OLA1: variants seen among roughly 807,000 people sequenced by gnomAD.
OLA1 encodes Obg like ATPase 1.
Under a neutral mutation model 48.4 loss-of-function variants are expected in OLA1, and 14 were observed. That is an observed-to-expected ratio of 0.29 (90% CI 0.19 to 0.45). OLA1 has a LOEUF of 0.45. Among genes scored for constraint, OLA1 ranks in the 20% least tolerant of loss-of-function variants. The pLI is 1.00. For synonymous variants in OLA1, 127 were observed against 150.4 expected, an observed-to-expected ratio of 0.84 and a Z score of 1.14; for missense variants, 325 against 467.1, an observed-to-expected ratio of 0.70 and a Z score of 2.80.
At chr2:174,082,204 G>T in intron 7 of OLA1, 140 bp from the exon 8 acceptor site, 1 of 861,630 alleles carries the variant, frequency 1.2e-6, no homozygotes, top group Non-Finnish European at 1.8e-6. Context: ...GCTTTCCAAG[G>T]TCAAGGCATT....
At chr2:174,164,151 G>C (rs1208068811) in intron 4 of OLA1, among the ~76,000 whole-genome samples, 1 of 151,978 alleles carries the variant, frequency 6.6e-6, no homozygotes, top group African/African-American at 2.4e-5. Flanking sequence ...TAAGTCTCCT[G>C]AGGCCTCCTC....
chr2:174,229,429 A>T lies in OLA1; in HGVS notation c.124T>A (p.Leu42Ile), dbSNP rs933510352. The T allele has an allele frequency of 1.5e-5, 24 of 1,612,032 alleles. No homozygotes were observed. The highest frequency in any genetic ancestry group is 1.7e-5 in the Non-Finnish European group (20 of 1,179,372). ...TCTGCTGAAGCCTGACTATTGGTTA[A>T]CACATTGAAGAAAGTAGATTTCCTA... is the stretch of plus-strand genomic sequence containing the variant. ...NVGKSTFFNV[L>I]TNSQASAENF... The change falls in exon 3 of 11, where the codon TTA becomes ATA. Residue 42 changes from leucine to isoleucine, a missense_variant. Coordinates refer to ENST00000284719, the MANE Select transcript of OLA1 (RefSeq NM_013341.5).
At chr2:174,109,176 T>C (rs1181481394) in intron 7 of OLA1, among the ~76,000 whole-genome samples, 4 of 152,306 alleles carry the variant, frequency 2.6e-5, no homozygotes, top group Admixed American at 2.6e-4. Context: ...AAAGTAGGTA[T>C]TATTAGCTAA....
chr2:174,243,976 C>A (rs187860195), intron 2 of OLA1, among the ~76,000 whole-genome samples: 1 of 152,066 alleles, frequency 6.6e-6, no homozygotes, highest in Non-Finnish European at 1.5e-5. Flanking sequence ...CAAGTCCGGT[C>A]GGATTTCCTT....
At chr2:174,086,713 C>T (rs1328471253) in intron 7 of OLA1, among the ~76,000 whole-genome samples, 2 of 152,186 alleles carry the variant, frequency 1.3e-5, no homozygotes, top group Non-Finnish European at 2.9e-5. Flanking sequence ...AGTGGATACG[C>T]TGGACAAAGG....
intron 9 of OLA1, among the ~76,000 whole-genome samples, chr2:174,080,343 A>G (rs2105338707): frequency 6.6e-6 from 1 of 152,206 alleles, no homozygotes; most frequent in South Asian, 2.1e-4. Flanking sequence ...AGCATAATAA[A>G]AGACTGAATA....
At chr2:174,203,465 C>T (rs202171732) in intron 4 of OLA1, among the ~76,000 whole-genome samples, 2 of 140,562 alleles carry the variant, frequency 1.4e-5, no homozygotes, top group Non-Finnish European at 3.1e-5. Context: ...TAGCTAACAT[C>T]TTTTTTTTTT....
intron 10 of OLA1, among the ~76,000 whole-genome samples, chr2:174,076,999 G>A (rs1684754808): frequency 6.6e-6 from 1 of 151,678 alleles, no homozygotes; most frequent in African/African-American, 2.4e-5. Context: ...TACCACTCAA[G>A]TTTACTATTA....
At chr2:174,182,853 A>G (rs1687579864) in intron 4 of OLA1, among the ~76,000 whole-genome samples, 1 of 152,210 alleles carries the variant, frequency 6.6e-6, no homozygotes, top group African/African-American at 2.4e-5. Context: ...TTTGATGGTG[A>G]CAACAAAACT....
At chr2:174,099,150 T>C (rs1270450546) in intron 7 of OLA1, among the ~76,000 whole-genome samples, 1 of 151,848 alleles carries the variant, frequency 6.6e-6, no homozygotes, top group East Asian at 1.9e-4. Context: ...TTGACTTTGT[T>C]ATTTTATTTA....
Position 174,081,938 on chromosome 2 carries a change from C to A in OLA1, c.855G>T (p.Ala285=). Reference sequence around the variant, plus strand: ...TGCTAATTAACCTTTGTGTCATGTTCGCTTCCAGATACTTCTGTCTCTCCT... The same window carrying A: ...TGCTAATTAACCTTTGTGTCATGTTAGCTTCCAGATACTTCTGTCTCTCCT... ...SAEERQKYLE[A]NMTQSALPKI... is the part of the protein sequence containing the mutation. The change falls in exon 8 of 11, where the codon GCG becomes GCT. Residue 285 remains alanine, a synonymous_variant. Transcript: ENST00000284719. 1 of 1,611,644 alleles carries A rather than the reference C, an allele frequency of 6.2e-7. No individual in the cohort carries two copies. Among genetic ancestry groups the A allele is most frequent in the Non-Finnish European group, 8.5e-7 (1 of 1,179,180 alleles).
In OLA1 at chr2:174,121,447, A is replaced by T. The variant is rs563245999; in HGVS notation, c.728+1733T>A. Among the ~76,000 whole-genome samples the T allele has an allele frequency of 2.6e-5, 4 of 152,270 alleles. No homozygotes were observed. In the East Asian group the frequency reaches 7.7e-4, roughly 29 times the overall value. ...GTGGTAAATTCTCTTCTGGAACATCATTCAGTTACCCAGTCTTTGATCTTT... is the reference window on the plus strand; with the variant it reads ...GTGGTAAATTCTCTTCTGGAACATCTTTCAGTTACCCAGTCTTTGATCTTT... On this transcript the variant is annotated intron_variant, in intron 7 of 10. Coordinates refer to ENST00000284719, the MANE Select transcript of OLA1 (RefSeq NM_013341.5).
At chr2:174,134,944 A>G (rs771621401) in intron 5 of OLA1, among the ~76,000 whole-genome samples, 1 of 151,990 alleles carries the variant, frequency 6.6e-6, no homozygotes, top group Non-Finnish European at 1.5e-5. Context: ...GGCGGATCAC[A>G]AGGTCAGGAG....
intron 4 of OLA1, among the ~76,000 whole-genome samples, chr2:174,215,211 T>C (rs922987496): frequency 2.0e-5 from 3 of 152,216 alleles, no homozygotes; most frequent in Non-Finnish European, 4.4e-5. Context: ...GAAAGTGTTC[T>C]GTAGCCATAC....
intron 1 of OLA1, chr2:174,247,938 C>G: frequency 1.2e-6 from 1 of 834,362 alleles, no homozygotes; most frequent in South Asian, 1.8e-5. Flanking sequence ...AAGCTGGGAA[C>G]TAAAACTGTC....
chr2:174,150,206 T>C (rs1241702235), intron 4 of OLA1, among the ~76,000 whole-genome samples: 1 of 152,122 alleles, frequency 6.6e-6, no homozygotes, highest in Non-Finnish European at 1.5e-5. Flanking sequence ...ATTCATGGAT[T>C]TTTGGGTTAT....
At chr2:174,120,872 T>G (rs1044964052) in intron 7 of OLA1, among the ~76,000 whole-genome samples, 1 of 152,152 alleles carries the variant, frequency 6.6e-6, no homozygotes, top group African/African-American at 2.4e-5. Context: ...TTTAAAATAG[T>G]TTTCCAGATC....
At chr2:174,151,852 T>C (rs1166718143) in intron 4 of OLA1, among the ~76,000 whole-genome samples, 2 of 152,046 alleles carry the variant, frequency 1.3e-5, no homozygotes, top group Non-Finnish European at 2.9e-5. Context: ...GGGGTGCGAG[T>C]GGGGATGTGA....
intron 5 of OLA1, among the ~76,000 whole-genome samples, chr2:174,124,536 C>T (rs77892386): frequency 1.3e-5 from 2 of 152,254 alleles, no homozygotes; most frequent in Admixed American, 6.5e-5. Context: ...AATCTAAAAG[C>T]TGCGTGTGGC....
Sources: gnomAD v4.1 joint callset for allele counts (sites outside exome capture counted in the v4.1 genomes callset) on GRCh38, gnomAD v4.1.1 for gene constraint, MANE v1.5 for transcripts, NCBI Gene and HGNC (gene_info 2026-07-23, HGNC 2026-07-21) for gene names.